The following DAB1 variants were observed in gnomAD, a reference collection of about 807,000 sequenced individuals.
DAB1 encodes disabled homolog 1.
In DAB1, 15 loss-of-function variants were observed where a neutral mutation model predicts 64.6. The ratio of observed to expected loss-of-function variants is 0.23; its 90% CI spans 0.16 to 0.36. DAB1 has a LOEUF of 0.36. Among genes scored for constraint, DAB1 ranks in the 10% least tolerant of loss-of-function variants. The pLI is 1.00. For missense variants in DAB1, 596 were observed against 706.7 expected (o/e 0.84, Z 1.78); for synonymous variants, 235 against 251.9 (o/e 0.93, Z 0.64).
chr1:57,256,744 G>T (rs1171043274), intron 2 of DAB1, among the ~76,000 whole-genome samples: 1 of 152,132 alleles, frequency 6.6e-6, no homozygotes, highest in African/African-American at 2.4e-5. Context: ...ATCAAGATTT[G>T]TATTTGCTGC....
At chr1:57,805,475 A>C (rs1351660637) in intron 6 of DAB1, among the ~76,000 whole-genome samples, 1 of 152,198 alleles carries the variant, frequency 6.6e-6, no homozygotes, top group Non-Finnish European at 1.5e-5. Context: ...CTTGATTCTT[A>C]CTTAATGCTG....
At chr1:57,580,875 T>C (rs1645305069) in intron 7 of DAB1, among the ~76,000 whole-genome samples, 1 of 152,158 alleles carries the variant, frequency 6.6e-6, no homozygotes, top group Non-Finnish European at 1.5e-5. Context: ...TTGCCCATGG[T>C]CACTTGGCCA....
At chr1:57,785,710 G>T (rs550370781) in intron 6 of DAB1, among the ~76,000 whole-genome samples, 28 of 152,282 alleles carry the variant, frequency 1.8e-4, no homozygotes, top group South Asian at 1.0e-3. Flanking sequence ...GCTTCTTATA[G>T]ATGATCAAAT....
upstream of DAB1, among the ~76,000 whole-genome samples, chr1:57,426,872 A>AT (rs750097025): frequency 2.8e-3 from 395 of 143,462 alleles, 9 homozygotes; most frequent in Admixed American, 8.8e-3. Context: ...ATATATATAT[A>AT]TATTTTTTTG....
intron 2 of DAB1, among the ~76,000 whole-genome samples, chr1:57,282,455 A>G (rs756957670): frequency 1.3e-5 from 2 of 152,120 alleles, no homozygotes; most frequent in Non-Finnish European, 1.5e-5. Context: ...GTACAAGTTC[A>G]AGGAGGAAAA....
intron 5 of DAB1, among the ~76,000 whole-genome samples, chr1:57,952,642 A>G (rs1226583119): frequency 1.3e-5 from 2 of 152,182 alleles, no homozygotes; most frequent in South Asian, 4.1e-4. Flanking sequence ...CTGAGAAGAG[A>G]GCAAAGCAAA....
chr1:57,664,517 T>C (rs372428900), intron 6 of DAB1, among the ~76,000 whole-genome samples: 43 of 152,240 alleles, frequency 2.8e-4, no homozygotes, highest in African/African-American at 1.0e-3. Flanking sequence ...ATAAACCCAA[T>C]GCCATAAACT....
chr1:57,011,103 T>A (rs1207423511), intron 13 of DAB1, 42 bp downstream of exon 13: 1 of 1,612,700 alleles, frequency 6.2e-7, no homozygotes, highest in Admixed American at 1.7e-5. Context: ...GAGGTCTTAA[T>A]TTTAAGGAAA....
At chr1:58,274,643 C>G (rs1435604250) in intron 4 of DAB1, among the ~76,000 whole-genome samples, 2 of 152,016 alleles carry the variant, frequency 1.3e-5, no homozygotes, top group African/African-American at 2.4e-5. Context: ...GACTTCTGTG[C>G]TAGCAGTCAG....
At chr1:58,507,999 T>A (rs1041250709) in intron 2 of DAB1, among the ~76,000 whole-genome samples, 5 of 152,240 alleles carry the variant, frequency 3.3e-5, no homozygotes. Flanking sequence ...GGCATACTTA[T>A]CTAATTTTTT....
chr1:58,468,917 C>A (rs777306150), intron 3 of DAB1: 2 of 242,948 alleles, frequency 8.2e-6, no homozygotes, highest in Non-Finnish European at 1.3e-5. Flanking sequence ...CTGAGTGGTA[C>A]CCCTCCATGG....
intron 4 of DAB1, among the ~76,000 whole-genome samples, chr1:57,107,311 G>A (rs1445282824): frequency 6.6e-6 from 1 of 151,204 alleles, no homozygotes; most frequent in Non-Finnish European, 1.5e-5. Flanking sequence ...GGAGGCGGAA[G>A]TTGCAGTGAG....
At position 58,307,467 on chromosome 1, in the gene DAB1, A is replaced by T. The variant is rs1451836687; in HGVS notation, n.309+35885T>A. Among the ~76,000 whole-genome samples, 5 of 152,276 alleles carry T rather than the reference A, an allele frequency of 3.3e-5. No individual in the cohort carries two copies. The East Asian group carries it at 9.7e-4, about 29-fold the overall frequency. On this transcript the variant is annotated intron_variant and non_coding_transcript_variant, in intron 4 of 20. Transcript: ENST00000485760. ...AGTTATACAGAAACAGAGAGGACTG[A>T]TATCTAACTCAGGCTGGGGGACTGG...
At chr1:57,403,225 T>G (rs1160723744) in intron 1 of DAB1, among the ~76,000 whole-genome samples, 1 of 152,166 alleles carries the variant, frequency 6.6e-6, no homozygotes, top group Non-Finnish European at 1.5e-5. Flanking sequence ...AAAGCCAGCC[T>G]TAGGCCATTC....
Position 58,183,333 on chromosome 1 carries a change from ATAGT to A in DAB1, n.310-32749_310-32746del, listed in dbSNP as rs1656898320. On this transcript the variant is annotated intron_variant and non_coding_transcript_variant, in intron 4 of 20. Coordinates refer to the DAB1 transcript ENST00000485760. ...AGGTCTCATATTCAGCCATGGATGA[ATAGT>A]TAGTTAAAGCCTTCTCTGGTGTCTC... Among the ~76,000 whole-genome samples, 15 of 152,124 alleles carry A rather than the reference ATAGT, an allele frequency of 9.9e-5. 1 individual carries two copies. In the South Asian group the frequency reaches 3.1e-3, roughly 32 times the overall value.
chr1:58,340,821 C>A (rs1643922855), intron 4 of DAB1, among the ~76,000 whole-genome samples: 1 of 152,172 alleles, frequency 6.6e-6, no homozygotes, highest in South Asian at 2.1e-4. Flanking sequence ...ATAAGGTGTT[C>A]TTGTGTGTGA....
At chr1:58,332,922 A>C (rs1663007624) in intron 4 of DAB1, among the ~76,000 whole-genome samples, 1 of 151,872 alleles carries the variant, frequency 6.6e-6, no homozygotes, top group Non-Finnish European at 1.5e-5. Flanking sequence ...TTATTTATTT[A>C]TTTTTGAGAT....
At chr1:58,203,723 G>A (rs142242723) in intron 4 of DAB1, among the ~76,000 whole-genome samples, 1 of 152,310 alleles carries the variant, frequency 6.6e-6, no homozygotes, top group African/African-American at 2.4e-5. Flanking sequence ...CTACTGCTAT[G>A]TCATATAACA....
At chr1:58,111,591 C>T (rs769046670) in intron 5 of DAB1, among the ~76,000 whole-genome samples, 4 of 152,180 alleles carry the variant, frequency 2.6e-5, no homozygotes, top group East Asian at 1.9e-4. Flanking sequence ...TTTTGGGAAA[C>T]GTTGGATCAG....
Sources: gnomAD v4.1 joint callset for allele counts (sites outside exome capture counted in the v4.1 genomes callset) on GRCh38, gnomAD v4.1.1 for gene constraint, MANE v1.5 for transcripts, NCBI Gene and HGNC (gene_info 2026-07-23, HGNC 2026-07-21) for gene names.